Variants in ACLY observed in about 807,000 individuals in gnomAD.
ACLY encodes the protein ATP-citrate synthase.
Under a neutral mutation model 133.0 loss-of-function variants are expected in ACLY, and 41 were observed. The observed-to-expected ratio is 0.31, with a 90% CI of 0.24 to 0.40. The LOEUF is 0.40. ACLY is among the 10% of genes least tolerant of loss of function. The pLI is 1.00. For missense variants in ACLY, 1,046 were observed against 1,453.8 expected (o/e 0.72, Z 4.56); for synonymous variants, 495 against 549.3 (o/e 0.90, Z 1.38).
At chr17:41,895,620 C>CTTA (rs1555630187) in intron 14 of ACLY, among the ~76,000 whole-genome samples, 3 of 152,254 alleles carry the variant, frequency 2.0e-5, no homozygotes, top group Non-Finnish European at 4.4e-5. Flanking sequence ...AACCCCCCTC[C>CTTA]TCATAACCCT....
chr17:41,908,656 C>T (rs552682653), intron 6 of ACLY, among the ~76,000 whole-genome samples: 123 of 152,266 alleles, frequency 8.1e-4, no homozygotes, highest in African/African-American at 2.5e-3. Flanking sequence ...CCCAGCTACT[C>T]GGAAGGCTGA....
chr17:41,888,129 A>G (rs186610220), intron 16 of ACLY, among the ~76,000 whole-genome samples: 52 of 152,164 alleles, frequency 3.4e-4, no homozygotes, highest in African/African-American at 1.2e-3. Context: ...CTCCATCTCA[A>G]AAACAAAAAC....
intron 6 of ACLY, among the ~76,000 whole-genome samples, chr17:41,907,912 TAA>T (rs1207868679): frequency 2.0e-5 from 3 of 152,162 alleles, no homozygotes; most frequent in Admixed American, 6.5e-5. Flanking sequence ...CGGCCACTTT[TAA>T]AAAGTGTTTA....
At chr17:41,916,298 AAACCC>A (rs1457272035) in intron 1 of ACLY, among the ~76,000 whole-genome samples, 11 of 152,192 alleles carry the variant, frequency 7.2e-5, no homozygotes, top group African/African-American at 2.4e-4. Context: ...AATGGCTCAC[AAACCC>A]AGGGAGTGGA....
intron 13 of ACLY, 136 bp downstream of exon 13, chr17:41,897,613 G>C (rs2049408002): frequency 1.3e-6 from 1 of 743,620 alleles, no homozygotes; most frequent in African/African-American, 1.8e-5. Context: ...CGTGTCCCAG[G>C]TGCACTCCCA....
At chr17:41,897,962 G>A in intron 12 of ACLY, 123 bp from the exon 13 acceptor site, 1 of 792,662 alleles carries the variant, frequency 1.3e-6, no homozygotes, top group East Asian at 2.8e-5. Flanking sequence ...CTCTTTATAA[G>A]CTGCTTCCAA....
intron 22 of ACLY, among the ~76,000 whole-genome samples, chr17:41,874,295 A>G (rs1293381238): frequency 6.6e-6 from 1 of 152,162 alleles, no homozygotes; most frequent in African/African-American, 2.4e-5. Context: ...GGGGGACCAG[A>G]GTCTCTCTGT....
At chr17:41,915,243 G>C (rs570137216) in intron 1 of ACLY, among the ~76,000 whole-genome samples, 2 of 152,188 alleles carry the variant, frequency 1.3e-5, no homozygotes, top group Non-Finnish European at 1.5e-5. Context: ...AGGGGAATCG[G>C]GGGAGGTGGG....
At chr17:41,880,987 T>C (rs1174232652) in intron 20 of ACLY, among the ~76,000 whole-genome samples, 1 of 119,822 alleles carries the variant, frequency 8.3e-6, no homozygotes, top group Admixed American at 8.2e-5. Context: ...CTGATCATGG[T>C]GGGGATGGGG....
Position 41,873,975 on chromosome 17 carries a change from G to C in ACLY, c.2488-10C>G, listed in dbSNP as rs781987769. On this transcript the variant is annotated splice_polypyrimidine_tract_variant and intron_variant, in intron 22 of 28. Transcript: ENST00000352035. ...GGATCAAACCAAGCTCCTGGGCAGAGATGGGGAAGAGGGAAGCAGGGCCCT... is the reference window on the plus strand; with the variant it reads ...GGATCAAACCAAGCTCCTGGGCAGACATGGGGAAGAGGGAAGCAGGGCCCT... 1.3e-6 allele frequency: 2 copies of C among 1,585,188 alleles called. No individual in the cohort carries two copies. Among genetic ancestry groups the C allele is most frequent in the Non-Finnish European group, 1.7e-6 (2 of 1,159,976 alleles).
chr17:41,921,302 CA>C (rs1342111079), upstream of ACLY, among the ~76,000 whole-genome samples: 7 of 150,928 alleles, frequency 4.6e-5, no homozygotes, highest in South Asian at 1.1e-3. Flanking sequence ...CGTCTCAAAA[CA>C]AAACAAAACA....
At chr17:41,900,014 A>G (rs1214252021) in intron 11 of ACLY, among the ~76,000 whole-genome samples, 2 of 132,424 alleles carry the variant, frequency 1.5e-5, no homozygotes, top group Non-Finnish European at 3.1e-5. Flanking sequence ...GGTTGCAGTG[A>G]GCTGTGATCA....
In ACLY at chr17:41,918,936, T is replaced by C. The variant is rs1297273501; in HGVS notation, c.-80A>G. On this transcript the variant is annotated 5_prime_UTR_variant, in exon 1 of 29. Transcript: ENST00000352035. ...CACAGGCCCGACGAACCCCGCAAAA[T>C]CCGGAGCACCCCAGCAGCCGGTAGC... 2.3e-6 allele frequency: 3 copies of C among 1,288,916 alleles called. No individual in the cohort carries two copies. 79.8% of individuals were successfully genotyped at this position (1,288,916 alleles called of 1,614,324 possible). A position where few individuals can be genotyped will look rare whatever the true frequency, so the allele number is the denominator to read the frequency against.
chr17:41,881,416 CAAAA>C (rs34173466), intron 20 of ACLY, among the ~76,000 whole-genome samples: 2 of 41,600 alleles, frequency 4.8e-5, no homozygotes, highest in South Asian at 1.9e-3. Context: ...GACTCCGTCT[CAAAA>C]AAAAAAAAAA....
chr17:41,907,193 A>G (rs2049744906), intron 7 of ACLY, among the ~76,000 whole-genome samples: 2 of 152,182 alleles, frequency 1.3e-5, no homozygotes, highest in Non-Finnish European at 1.5e-5. Flanking sequence ...TGGAGAGGCA[A>G]CAAATCAAGT....
intron 18 of ACLY, among the ~76,000 whole-genome samples, chr17:41,885,505 G>C (rs1481888037): frequency 2.0e-5 from 3 of 152,156 alleles, no homozygotes; most frequent in African/African-American, 7.2e-5. Context: ...ACGTTACTCT[G>C]AGATATAATA....
intron 1 of ACLY, 136 bp downstream of exon 1, chr17:41,918,744 G>C (rs2050123962): frequency 1.8e-6 from 2 of 1,110,928 alleles, no homozygotes; most frequent in East Asian, 7.2e-5. Flanking sequence ...CTAAAGCTAA[G>C]ACCCTCAAAA....
intron 25 of ACLY, among the ~76,000 whole-genome samples, chr17:41,870,084 C>T (rs1324072842): frequency 6.6e-6 from 1 of 152,150 alleles, no homozygotes; most frequent in Non-Finnish European, 1.5e-5. Flanking sequence ...AATTAACCAC[C>T]TGTCAGTTGG....
At chr17:41,903,362 C>T (rs2033845438) in intron 10 of ACLY, among the ~76,000 whole-genome samples, 1 of 152,130 alleles carries the variant, frequency 6.6e-6, no homozygotes, top group Non-Finnish European at 1.5e-5. Flanking sequence ...AACAGGCACC[C>T]AGGTTGAGAA....
Sources: gnomAD v4.1 joint callset for allele counts (sites outside exome capture counted in the v4.1 genomes callset) on GRCh38, gnomAD v4.1.1 for gene constraint, MANE v1.5 for transcripts, NCBI Gene and HGNC (gene_info 2026-07-23, HGNC 2026-07-21) for gene names.